KHDRBS2: variants seen among roughly 807,000 people sequenced by gnomAD.
KHDRBS2 encodes KH domain-containing, RNA-binding, signal transduction-associated protein 2.
In KHDRBS2, 26 loss-of-function variants were observed where a neutral mutation model predicts 44.3. The observed-to-expected ratio is 0.59, with a 90% CI of 0.43 to 0.81. The LOEUF (loss-of-function observed/expected upper bound fraction) is 0.81, where lower values mean the gene tolerates loss of function less well. KHDRBS2 is among the 40% of genes least tolerant of loss of function. The pLI is 0.00. For synonymous variants in KHDRBS2, 194 were observed against 151.1 expected, an observed-to-expected ratio of 1.28 and a Z score of -2.08; for missense variants, 476 against 433.1, an observed-to-expected ratio of 1.10 and a Z score of -0.88.
chr6:61,972,851 T>C (rs1340980036), intron 4 of KHDRBS2, among the ~76,000 whole-genome samples: 1 of 152,180 alleles, frequency 6.6e-6, no homozygotes, highest in Admixed American at 6.6e-5. Flanking sequence ...TTCACCTGCA[T>C]AAAAGACTGA....
chr6:61,813,786 G>A (rs1490509159), intron 6 of KHDRBS2, among the ~76,000 whole-genome samples: 2 of 151,978 alleles, frequency 1.3e-5, no homozygotes, highest in Non-Finnish European at 2.9e-5. Context: ...CTCATTGTCT[G>A]GAATAAACTA....
chr6:62,017,164 T>C (rs1455450502), intron 3 of KHDRBS2, among the ~76,000 whole-genome samples: 3 of 152,144 alleles, frequency 2.0e-5, no homozygotes, highest in Non-Finnish European at 1.5e-5. Flanking sequence ...AATCTTCAGA[T>C]TGATGGACCA....
At chr6:62,182,942 T>C (rs886620370) in intron 1 of KHDRBS2, among the ~76,000 whole-genome samples, 1 of 151,852 alleles carries the variant, frequency 6.6e-6, no homozygotes, top group African/African-American at 2.4e-5. Flanking sequence ...TGTGAATCTT[T>C]ACCTTGTCAA....
chr6:61,945,429 G>A (rs1189715858), intron 4 of KHDRBS2, among the ~76,000 whole-genome samples: 1 of 151,516 alleles, frequency 6.6e-6, no homozygotes, highest in African/African-American at 2.4e-5. Flanking sequence ...TTCTCCATCT[G>A]TATCAGTTTC....
At chr6:62,170,018 G>A (rs1819681269) in intron 2 of KHDRBS2, among the ~76,000 whole-genome samples, 1 of 151,696 alleles carries the variant, frequency 6.6e-6, no homozygotes, top group Non-Finnish European at 1.5e-5. Flanking sequence ...CAGGGCAGGT[G>A]ACTTCACCTA....
chr6:61,964,239 T>C (rs866359856), intron 4 of KHDRBS2, among the ~76,000 whole-genome samples: 4 of 152,066 alleles, frequency 2.6e-5, no homozygotes, highest in African/African-American at 9.7e-5. Context: ...CACATATATA[T>C]GTTGTAGAAG....
chr6:62,129,721 T>G (rs1225527719), intron 2 of KHDRBS2, among the ~76,000 whole-genome samples: 2 of 152,150 alleles, frequency 1.3e-5, no homozygotes, highest in African/African-American at 4.8e-5. Context: ...ATTAAAATTT[T>G]TTTTTCACTT....
the KHDRBS2 span, among the ~76,000 whole-genome samples, chr6:61,631,335 A>G: frequency 0.68 from 71,347 of 104,500 alleles, 24,435 homozygotes; most frequent in Middle Eastern, 0.71. Flanking sequence ...AAAAAAAAAA[A>G]AAGACAATAC....
At chr6:62,109,498 A>T (rs1804491460) in intron 2 of KHDRBS2, among the ~76,000 whole-genome samples, 2 of 152,064 alleles carry the variant, frequency 1.3e-5, no homozygotes, top group African/African-American at 4.8e-5. Context: ...CAGGTTAGAA[A>T]ATAAGTCTTT....
intron 2 of KHDRBS2, among the ~76,000 whole-genome samples, chr6:62,090,072 C>T (rs1799210746): frequency 1.3e-5 from 2 of 151,822 alleles, no homozygotes; most frequent in South Asian, 4.2e-4. Flanking sequence ...TGGAAGTTGC[C>T]CAGGCTTGGT....
intron 3 of KHDRBS2, among the ~76,000 whole-genome samples, chr6:61,993,247 A>C (rs527910242): frequency 6.6e-6 from 1 of 152,134 alleles, no homozygotes; most frequent in East Asian, 1.9e-4. Flanking sequence ...CCAGGAGAGA[A>C]ACTTTTCCCT....
At chr6:62,284,505 T>TA (rs897925488) in intron 1 of KHDRBS2, among the ~76,000 whole-genome samples, 2 of 152,038 alleles carry the variant, frequency 1.3e-5, no homozygotes, top group Admixed American at 6.5e-5. Flanking sequence ...TTTGGGAAAG[T>TA]AAAAAAAGTT....
At chr6:61,787,479 C>T (rs1285611670) in intron 6 of KHDRBS2, among the ~76,000 whole-genome samples, 1 of 151,702 alleles carries the variant, frequency 6.6e-6, no homozygotes, top group South Asian at 2.1e-4. Flanking sequence ...AAATAAAAAC[C>T]GTGGAGTAAT....
chr6:61,699,063 T>C (rs1178371531), intron 7 of KHDRBS2, among the ~76,000 whole-genome samples: 1 of 152,126 alleles, frequency 6.6e-6, no homozygotes. Context: ...TATAAACTTC[T>C]TGTTATAGAA....
At chr6:62,260,407 G>C (rs1365442816) in intron 1 of KHDRBS2, among the ~76,000 whole-genome samples, 2 of 151,906 alleles carry the variant, frequency 1.3e-5, no homozygotes, top group Non-Finnish European at 2.9e-5. Context: ...CTGATTGTCA[G>C]AGAGGTCCAA....
the KHDRBS2 span, among the ~76,000 whole-genome samples, chr6:61,650,810 A>T: frequency 1.3e-5 from 2 of 152,124 alleles, no homozygotes; most frequent in Non-Finnish European, 2.9e-5. Flanking sequence ...TATCATCATT[A>T]GGTGTCTAGA....
At chr6:62,066,024 G>A (rs1427660362) in intron 2 of KHDRBS2, among the ~76,000 whole-genome samples, 3 of 151,430 alleles carry the variant, frequency 2.0e-5, no homozygotes, top group African/African-American at 4.8e-5. Flanking sequence ...CATCCTGTGT[G>A]GAGAGTCCTT....
the KHDRBS2 span, among the ~76,000 whole-genome samples, chr6:61,560,476 G>A: frequency 1.3e-5 from 2 of 151,624 alleles, no homozygotes; most frequent in Non-Finnish European, 2.9e-5. Context: ...ATATCTTGTA[G>A]GCATGCTTCA....
chr6:61,580,788 A>C, the KHDRBS2 span, among the ~76,000 whole-genome samples: 3 of 152,146 alleles, frequency 2.0e-5, no homozygotes, highest in Non-Finnish European at 4.4e-5. Flanking sequence ...GTCCGGACAC[A>C]TCTGAACATC....
Sources: allele counts gnomAD v4.1 joint callset (sites outside exome capture counted in the v4.1 genomes callset), GRCh38; gene constraint gnomAD v4.1.1; transcripts MANE v1.5; gene names NCBI Gene and HGNC (gene_info 2026-07-23, HGNC 2026-07-21).